ADCY2: variants seen among roughly 807,000 people sequenced by gnomAD.
ADCY2 encodes the protein adenylate cyclase type 2.
A neutral mutation model predicts 125.2 loss-of-function variants in ADCY2; 31 were observed. The ratio of observed to expected loss-of-function variants is 0.25; its 90% CI spans 0.19 to 0.33. ADCY2 has a LOEUF of 0.33. Among genes scored for constraint, ADCY2 ranks in the 10% least tolerant of loss-of-function variants. ADCY2 has a pLI of 1.00. For synonymous variants in ADCY2, 512 were observed against 548.4 expected, an observed-to-expected ratio of 0.93 and a Z score of 0.93; for missense variants, 904 against 1,418.2, an observed-to-expected ratio of 0.64 and a Z score of 5.82.
Position 7,449,456 on chromosome 5 carries a change from C to G in ADCY2, c.408+34686C>G, listed in dbSNP as rs200626621. On this transcript the variant is annotated intron_variant, in intron 2 of 24. Transcript: ENST00000338316. ...GCCTTACCTTTTCCTATGCAGAACTCTATCAGCCTGGTACTTTTTAGTTTA... is the reference window on the plus strand; with the variant it reads ...GCCTTACCTTTTCCTATGCAGAACTGTATCAGCCTGGTACTTTTTAGTTTA... Among the ~76,000 whole-genome samples the G allele has an allele frequency of 2.0e-5, 3 of 152,304 alleles. No homozygotes were observed. In the East Asian group the frequency reaches 5.8e-4, roughly 29 times the overall value.
intron 5 of ADCY2, chr5:7,691,108 G>A (rs1003412255): frequency 4.0e-6 from 1 of 249,840 alleles, no homozygotes. Flanking sequence ...ATCCATCACA[G>A]AAAGGAGTGA....
At chr5:7,679,436 T>G (rs532471367) in intron 4 of ADCY2, among the ~76,000 whole-genome samples, 5 of 152,316 alleles carry the variant, frequency 3.3e-5, no homozygotes, top group Non-Finnish European at 7.3e-5. Flanking sequence ...CTGAGCTTAT[T>G]TGACTGCTTC....
intron 3 of ADCY2, among the ~76,000 whole-genome samples, chr5:7,573,734 T>C (rs1376780806): frequency 1.3e-5 from 2 of 149,976 alleles, no homozygotes. Context: ...TTTAAACTCT[T>C]TTTTTTGTTT....
intron 2 of ADCY2, among the ~76,000 whole-genome samples, chr5:7,518,882 C>T (rs983623114): frequency 6.6e-6 from 1 of 152,150 alleles, no homozygotes; most frequent in Non-Finnish European, 1.5e-5. Flanking sequence ...TCTGCTGGGC[C>T]CTGAGGCCCC....
intron 2 of ADCY2, among the ~76,000 whole-genome samples, chr5:7,445,871 AAC>A (rs1234147889): frequency 6.6e-6 from 1 of 152,160 alleles, no homozygotes; most frequent in Non-Finnish European, 1.5e-5. Flanking sequence ...TATTGTTTTC[AAC>A]AGTCTTTTAA....
rs1743955148 is a variant in ADCY2 at position 7,782,671 on chromosome 5, T to C, written c.2385-1694T>C. 2.0e-5 allele frequency among the ~76,000 whole-genome samples: 3 copies of C among 152,232 alleles called. No homozygotes were observed. The South Asian group carries it at 6.2e-4, about 31-fold the overall frequency. On this transcript the variant is annotated intron_variant, in intron 18 of 24. Transcript: ENST00000338316. ...GTAATGTGATATTCACAAAGCAGCA[T>C]GCAAATTAAAAACTCAGCCTACATT...
chr5:7,499,648 G>GATATAT (rs70940741), intron 2 of ADCY2, among the ~76,000 whole-genome samples: 4,134 of 117,922 alleles, frequency 0.035, 83 homozygotes, highest in East Asian at 0.05. Context: ...TATGTGGGTG[G>GATATAT]ATATATATAT....
intron 24 of ADCY2, among the ~76,000 whole-genome samples, chr5:7,824,737 T>G (rs774724445): frequency 7.9e-5 from 12 of 152,146 alleles, no homozygotes; most frequent in Non-Finnish European, 1.8e-4. Flanking sequence ...TCCATGACAT[T>G]GCAGAAAGGT....
At chr5:7,431,033 T>TAC (rs1740579660) in intron 2 of ADCY2, among the ~76,000 whole-genome samples, 1 of 152,092 alleles carries the variant, frequency 6.6e-6, no homozygotes, top group Non-Finnish European at 1.5e-5. Flanking sequence ...CCAGCAAGCT[T>TAC]TTTCATAGAG....
intron 2 of ADCY2, among the ~76,000 whole-genome samples, chr5:7,512,902 C>T (rs1246148032): frequency 6.6e-6 from 1 of 152,048 alleles, no homozygotes; most frequent in Non-Finnish European, 1.5e-5. Flanking sequence ...GTCCAGAGAT[C>T]CAGACCTCTG....
chr5:7,722,973 A>G (rs1399724554), intron 12 of ADCY2, among the ~76,000 whole-genome samples: 1 of 150,370 alleles, frequency 6.7e-6, no homozygotes, highest in African/African-American at 2.4e-5. Context: ...AAAAAAAAAA[A>G]AAAAAAAAAA....
rs1350039143 is a variant in ADCY2 at position 7,820,761 on chromosome 5, A to G, written c.3123+72A>G. 11 of 1,504,754 alleles carry G rather than the reference A, an allele frequency of 7.3e-6. 1 individual carries two copies. The African/African-American group carries it at 1.3e-4, about 17-fold the overall frequency. 93.2% of individuals were successfully genotyped at this position (1,504,754 alleles called of 1,614,324 possible). On this transcript the variant is annotated intron_variant, in intron 24 of 24. Coordinates refer to ENST00000338316, the MANE Select transcript of ADCY2 (RefSeq NM_020546.3). ...CTCTTGGGAACCATAAATAAGTATA[A>G]TAAGGATACTAATATATTAAAACAA...
chr5:7,415,923 G>A (rs1370641803), intron 2 of ADCY2, among the ~76,000 whole-genome samples: 1 of 152,118 alleles, frequency 6.6e-6, no homozygotes, highest in Non-Finnish European at 1.5e-5. Context: ...CTGAGTAGCT[G>A]AGAGGGCTGT....
chr5:7,805,163 A>T (rs1744718587), intron 22 of ADCY2, among the ~76,000 whole-genome samples: 1 of 145,028 alleles, frequency 6.9e-6, no homozygotes, highest in African/African-American at 2.5e-5. Context: ...CAAAAATACA[A>T]AAAAAAAAAA....
At chr5:7,468,048 T>C (rs1015135672) in intron 2 of ADCY2, among the ~76,000 whole-genome samples, 1 of 152,202 alleles carries the variant, frequency 6.6e-6, no homozygotes, top group East Asian at 1.9e-4. Context: ...TATCCATGCG[T>C]GATCTGTGTG....
At chr5:7,557,194 T>TATATAGATATATATATATATATATATAG in intron 3 of ADCY2, among the ~76,000 whole-genome samples, 1 of 148,354 alleles carries the variant, frequency 6.7e-6, no homozygotes, top group South Asian at 2.1e-4. Flanking sequence ...ATATATGTGA[T>TATATAGATATATATATATATATATATAG]ATATATAACT....
chr5:7,589,511 A>AAAAAG (rs1554022174), intron 3 of ADCY2, among the ~76,000 whole-genome samples: 6 of 110,368 alleles, frequency 5.4e-5, no homozygotes, highest in Non-Finnish European at 5.9e-5. Context: ...AGAAAGAAAG[A>AAAAAG]AAAGAAAAGA....
intron 14 of ADCY2, among the ~76,000 whole-genome samples, chr5:7,739,892 C>G (rs369735395): frequency 6.6e-6 from 1 of 151,934 alleles, no homozygotes; most frequent in East Asian, 1.9e-4. Flanking sequence ...GTGCATGTAT[C>G]TATTTATTGA....
chr5:7,405,297 A>C (rs1036235603), intron 1 of ADCY2, among the ~76,000 whole-genome samples: 14 of 150,168 alleles, frequency 9.3e-5, no homozygotes, highest in Admixed American at 8.7e-4. Flanking sequence ...ACAGATTTGA[A>C]CTACTCTTTT....
Sources: gnomAD v4.1 joint callset for allele counts (sites outside exome capture counted in the v4.1 genomes callset) on GRCh38, gnomAD v4.1.1 for gene constraint, MANE v1.5 for transcripts, NCBI Gene and HGNC (gene_info 2026-07-23, HGNC 2026-07-21) for gene names.